Variants in SYT17 observed in about 807,000 individuals in gnomAD.
SYT17 encodes the protein synaptotagmin-17.
In SYT17, 22 loss-of-function variants were observed where a neutral mutation model predicts 46.7. That is an observed-to-expected ratio of 0.47 (90% CI 0.34 to 0.67). The LOEUF (loss-of-function observed/expected upper bound fraction) is 0.67. SYT17 is among the 30% of genes least tolerant of loss of function. The pLI, the probability that SYT17 is intolerant of heterozygous loss-of-function variation, is 0.01. For missense variants in SYT17, 519 were observed against 612.8 expected (o/e 0.85, Z 1.62); for synonymous variants, 251 against 248.4 (o/e 1.01, Z -0.10).
At chr16:19,211,578 T>C (rs1965902560) in intron 5 of SYT17, 1 of 653,834 alleles carries the variant, frequency 1.5e-6, no homozygotes, top group East Asian at 2.8e-5. Context: ...GAGTTGAGAT[T>C]CCCAGGGAAT....
chr16:19,222,919 C>T (rs1290439026), intron 5 of SYT17, 126 bp from the exon 6 acceptor site: 6 of 1,226,290 alleles, frequency 4.9e-6, no homozygotes, highest in Non-Finnish European at 6.8e-6. Context: ...CACACAGAGG[C>T]TCCCACTGTC....
intron 5 of SYT17, among the ~76,000 whole-genome samples, chr16:19,185,207 C>T (rs562772663): frequency 6.6e-6 from 1 of 150,462 alleles, no homozygotes; most frequent in African/African-American, 2.5e-5. Context: ...CCTTCTCTCC[C>T]TGTCCTGTGG....
At chr16:19,191,436 A>G (rs1318339662) in intron 5 of SYT17, among the ~76,000 whole-genome samples, 2 of 152,166 alleles carry the variant, frequency 1.3e-5, no homozygotes, top group South Asian at 2.1e-4. Flanking sequence ...AAAAGGTCCC[A>G]TCTATGAGGA....
intron 2 of SYT17, 25 bp from the exon 3 acceptor site, chr16:19,173,382 ACCTCCCCTCTCCCCCATCCCCCC>A: frequency 7.8e-5 from 3 of 38,468 alleles, no homozygotes; most frequent in Non-Finnish European, 9.9e-5. Context: ...CACCCTGCCC[ACCTCCCCTCTCCCCCATCCCCCC>A]GCCCACCTCC....
In SYT17 at chr16:19,183,886, C is replaced by T. The variant is rs149512546; in HGVS notation, c.690C>T (p.Tyr230=). Residue 230 remains tyrosine (Y), a synonymous_variant, in exon 5 of 8, where the codon TAC becomes TAT. Coordinates refer to ENST00000355377, the MANE Select transcript of SYT17 (RefSeq NM_016524.4). The surrounding 1 kb of genome is among the most constrained non-coding windows in gnomAD (Gnocchi z 5.6). ...AGGACATGGCGCACTCCAACCCCTA[C>T]GTCAAGATCTGTCTCCTGCCAGACC... The part of the protein sequence containing the change: ...SRQDMAHSNP[Y]VKICLLPDQK... The T allele has an allele frequency of 8.1e-4, 1,312 of 1,614,106 alleles. 2 individuals carry two copies. Among genetic ancestry groups the T allele is most frequent in the Non-Finnish European group, 9.5e-4 (1,123 of 1,180,054 alleles).
At position 19,224,700 on chromosome 16, in the gene SYT17, CA is replaced by C; in HGVS notation, c.1091del (p.Gln364ArgfsTer9). 1 of 1,613,990 alleles carries C rather than the reference CA, an allele frequency of 6.2e-7. No individual in the cohort carries two copies. Among genetic ancestry groups the C allele is most frequent in the Non-Finnish European group, 8.5e-7 (1 of 1,179,930 alleles). On this transcript the variant is annotated frameshift_variant, in exon 7 of 8. Coordinates refer to ENST00000355377, the MANE Select transcript of SYT17 (RefSeq NM_016524.4). LOFTEE classifies it high-confidence loss of function. ...ATTTTCAGACCCCTTTGTGAAAATC[CA>C]GCTGGTGCATGGACTCAAACTTGTG... is the stretch of plus-strand genomic sequence containing the variant. ...SQGSDPFVKI[Q>X]LVHGLKLVKT...
In SYT17 at chr16:19,266,816, C is replaced by T. The variant is rs948017560; in HGVS notation, c.1229-64C>T. ...TAATGGCCTCTTGTCTTCTCCCTGC[C>T]TTCCTGTTCTGTTCCCCTCCTTCCT... On this transcript the variant is annotated intron_variant, in intron 7 of 7. Transcript: ENST00000355377. 8.1e-6 allele frequency: 12 copies of T among 1,474,436 alleles called. No homozygotes were observed. The African/African-American group carries it at 1.4e-4, about 17-fold the overall frequency. The allele number at this position is 1,474,436 out of a possible 1,614,324, so 91.3% of individuals were successfully genotyped here.
chr16:19,250,359 TTGTGTGTGTG>T lies in SYT17; in HGVS notation c.1229-16485_1229-16476del, dbSNP rs55818940. On this transcript the variant is annotated intron_variant, in intron 7 of 7. Coordinates refer to ENST00000355377, the MANE Select transcript of SYT17 (RefSeq NM_016524.4). ...TTTCAAAAAGATGTCTCAAACATGT[TTGTGTGTGTG>T]TGTGTGTGTGTGTGTGTGTGTGTGT... is the stretch of plus-strand genomic sequence containing the variant. Among the ~76,000 whole-genome samples the T allele has an allele frequency of 3.6e-3, 473 of 132,554 alleles. 3 individuals are homozygous for T. The highest frequency in any genetic ancestry group is 5.8e-3 in the African/African-American group (204 of 35,370). 87.0% of individuals were successfully genotyped at this position (132,554 alleles called of 152,430 possible).
At chr16:19,243,526 C>T (rs1183568725) in intron 7 of SYT17, among the ~76,000 whole-genome samples, 1 of 152,088 alleles carries the variant, frequency 6.6e-6, no homozygotes, top group African/African-American at 2.4e-5. Flanking sequence ...TATGCCTCAT[C>T]TGGCTGGGCG....
Position 19,184,000 on chromosome 16 carries a change from G to C in SYT17, c.804G>C (p.Glu268Asp), listed in dbSNP as rs369746987. 1 of 1,614,136 alleles carries C rather than the reference G, an allele frequency of 6.2e-7. No individual in the cohort carries two copies. Among genetic ancestry groups the C allele is most frequent in the Non-Finnish European group, 8.5e-7 (1 of 1,180,028 alleles). ...ACACCTTCGAGATCCCCTTCCTGGA[G>C]GCCCAGAGGAGGACCCTGCTCCTGA... ...ERYTFEIPFL[E>D]AQRRTLLLTV... The change falls in exon 5 of 8, where the codon GAG (glutamate) becomes GAC (aspartate). Residue 268 changes from glutamate (E) to aspartate (D), a missense_variant. Coordinates refer to ENST00000355377, the MANE Select transcript of SYT17 (RefSeq NM_016524.4). The surrounding 1 kb of genome is among the most constrained non-coding windows in gnomAD (Gnocchi z 5.6).
chr16:19,174,235 G>A (rs1036317891), intron 3 of SYT17, among the ~76,000 whole-genome samples: 5 of 152,276 alleles, frequency 3.3e-5, no homozygotes, highest in South Asian at 2.1e-4. Flanking sequence ...TCTGCCAGTC[G>A]CTCAGATATT....
intron 5 of SYT17, among the ~76,000 whole-genome samples, chr16:19,202,977 G>A (rs1474118309): frequency 6.6e-6 from 1 of 152,116 alleles, no homozygotes; most frequent in Non-Finnish European, 1.5e-5. Flanking sequence ...CTCGACCTCT[G>A]TAAGTGTTCA....
intron 5 of SYT17, among the ~76,000 whole-genome samples, chr16:19,215,742 T>G (rs768536977): frequency 8.5e-5 from 13 of 152,182 alleles, no homozygotes; most frequent in Non-Finnish European, 1.8e-4. Flanking sequence ...AATAAGTTAC[T>G]TGGCCCTTGT....
intron 5 of SYT17, among the ~76,000 whole-genome samples, chr16:19,186,480 T>A (rs1161449548): frequency 1.3e-5 from 2 of 152,142 alleles, no homozygotes; most frequent in Non-Finnish European, 1.5e-5. Flanking sequence ...TGAGGCCTTG[T>A]CTCTAAAAAA....
At chr16:19,220,788 A>G (rs1966286938) in intron 5 of SYT17, among the ~76,000 whole-genome samples, 1 of 152,180 alleles carries the variant, frequency 6.6e-6, no homozygotes, top group Non-Finnish European at 1.5e-5. Flanking sequence ...TAAAAACATT[A>G]CTAAGAGGAA....
At chr16:19,174,313 C>T (rs1013102711) in intron 3 of SYT17, among the ~76,000 whole-genome samples, 2 of 152,194 alleles carry the variant, frequency 1.3e-5, no homozygotes, top group Non-Finnish European at 2.9e-5. Context: ...GAGAGAGGGA[C>T]GTGGTCAGAG....
rs1294808886 is a variant in SYT17, at chr16:19,168,736, G to A, written c.15+75G>A. 2.1e-6 allele frequency: 3 copies of A among 1,414,668 alleles called. No individual in the cohort carries two copies. Among genetic ancestry groups the A allele is most frequent in the African/African-American group, 1.5e-5 (1 of 65,912 alleles). The allele number at this position is 1,414,668 out of a possible 1,614,324, so 87.6% of individuals were successfully genotyped here. A position where few individuals can be genotyped will look rare whatever the true frequency, so the allele number is the denominator to read the frequency against. On this transcript the variant is annotated intron_variant, in intron 1 of 7. Transcript: ENST00000355377. The surrounding 1 kb of genome is among the most constrained non-coding windows in gnomAD (Gnocchi z 6.9). ...CGCCCCCTCCGGCTGGGAGCGCGCG[G>A]AAGGGAGGGCCCACGGCTAGGCTCC...
chr16:19,235,997 G>A (rs548315946), intron 7 of SYT17, among the ~76,000 whole-genome samples: 1 of 152,296 alleles, frequency 6.6e-6, no homozygotes, highest in South Asian at 2.1e-4. Context: ...TATGTCACAT[G>A]AATCCCAGAA....
intron 5 of SYT17, among the ~76,000 whole-genome samples, chr16:19,195,105 G>A (rs1484572771): frequency 6.6e-6 from 1 of 152,178 alleles, no homozygotes; most frequent in African/African-American, 2.4e-5. Flanking sequence ...TACTGCATGG[G>A]GATCTGGGGG....
Sources: gnomAD v4.1 joint callset for allele counts (sites outside exome capture counted in the v4.1 genomes callset) on GRCh38, gnomAD v4.1.1 for gene constraint, Gnocchi (gnomAD v3.1) non-coding constraint, MANE v1.5 for transcripts, NCBI Gene and HGNC (gene_info 2026-07-23, HGNC 2026-07-21) for gene names.